The following LYRM4 variants were observed in gnomAD, a reference collection of about 807,000 sequenced individuals.
The protein encoded by LYRM4 is LYR motif containing 4, also known as LYR motif-containing protein 4.
Under a neutral mutation model 11.7 loss-of-function variants are expected in LYRM4, and 9 were observed. That is an observed-to-expected ratio of 0.77 (90% CI 0.46 to 1.34). LYRM4 has a LOEUF of 1.34. LYRM4 is among the 40% of genes most tolerant of loss of function. LYRM4 has a pLI of 0.00. For missense variants in LYRM4, 133 were observed against 112.5 expected (o/e 1.18, Z -0.82); for synonymous variants, 42 against 40.4 (o/e 1.04, Z -0.15).
chr6:5,052,201 G>C, the LYRM4 span, among the ~76,000 whole-genome samples: 3 of 152,022 alleles, frequency 2.0e-5, no homozygotes, highest in Non-Finnish European at 1.5e-5. Flanking sequence ...TCTGGCAAAA[G>C]TAAATATATA....
At chr6:5,110,600 G>A (rs1055312474) in intron 2 of LYRM4, among the ~76,000 whole-genome samples, 8 of 151,982 alleles carry the variant, frequency 5.3e-5, no homozygotes, top group African/African-American at 1.9e-4. Context: ...AGAGCAGCAC[G>A]TCATCTAAGA....
intron 2 of LYRM4, among the ~76,000 whole-genome samples, chr6:5,160,508 TATA>T (rs1162939938): frequency 1.3e-5 from 2 of 152,118 alleles, no homozygotes; most frequent in Non-Finnish European, 2.9e-5. Context: ...CTGATATTTT[TATA>T]ATATCAGATT....
intron 1 of LYRM4, among the ~76,000 whole-genome samples, chr6:5,218,959 G>T (rs901436256): frequency 6.6e-6 from 1 of 152,132 alleles, no homozygotes; most frequent in Non-Finnish European, 1.5e-5. Context: ...TGGCAATGAT[G>T]GCAGCAAAGA....
the LYRM4 span, chr6:5,085,041 C>T: frequency 5.7e-6 from 1 of 176,392 alleles, no homozygotes; most frequent in Non-Finnish European, 1.2e-5. Context: ...GCGAGCTCTG[C>T]ACCCCCACTT....
In LYRM4 at chr6:5,145,570, G is replaced by C. The variant is rs146333185; in HGVS notation, c.208-36079C>G. On this transcript the variant is annotated intron_variant, in intron 2 of 2. Coordinates refer to ENST00000330636, the MANE Select transcript of LYRM4 (RefSeq NM_020408.6). ...CCTCTACCCACCAAGTAATAAAAAA[G>C]CTTCATCAGAAGGGAAAGCAATAGG... Among the ~76,000 whole-genome samples the C allele has an allele frequency of 5.1e-3, 779 of 152,276 alleles. 7 individuals carry two copies. Among genetic ancestry groups the C allele is most frequent in the African/African-American group, 0.018 (742 of 41,554 alleles).
intron 2 of LYRM4, among the ~76,000 whole-genome samples, chr6:5,133,456 A>T (rs1581344928): frequency 6.6e-6 from 1 of 152,094 alleles, no homozygotes; most frequent in South Asian, 2.1e-4. Context: ...CACGATCCTG[A>T]CCCGTCCAGC....
At chr6:5,083,248 C>T in the LYRM4 span, among the ~76,000 whole-genome samples, 1 of 152,240 alleles carries the variant, frequency 6.6e-6, no homozygotes, top group Non-Finnish European at 1.5e-5. Context: ...TCTTTGAAGT[C>T]TTATTTTATC....
chr6:5,153,462 G>C (rs1373036180), intron 2 of LYRM4, among the ~76,000 whole-genome samples: 1 of 152,204 alleles, frequency 6.6e-6, no homozygotes, highest in Non-Finnish European at 1.5e-5. Context: ...TGCCCAGCTG[G>C]GCAGAGAGAA....
chr6:5,134,773 G>C (rs1756980399), intron 2 of LYRM4, among the ~76,000 whole-genome samples: 1 of 152,172 alleles, frequency 6.6e-6, no homozygotes, highest in South Asian at 2.1e-4. Flanking sequence ...ATAATAACAG[G>C]TTAAACAGCA....
intron 2 of LYRM4, among the ~76,000 whole-genome samples, chr6:5,126,956 CTTTA>C (rs1319338731): frequency 6.6e-6 from 1 of 152,124 alleles, no homozygotes; most frequent in African/African-American, 2.4e-5. Flanking sequence ...GAATAATATA[CTTTA>C]TTTATTTATT....
intron 1 of LYRM4, chr6:5,218,262 A>C: frequency 1.0e-6 from 1 of 985,338 alleles, no homozygotes; most frequent in Non-Finnish European, 1.2e-6. Flanking sequence ...AGCACCGGTT[A>C]AAGAATCCAT....
chr6:5,101,993 A>G (rs1444387601), downstream of LYRM4, among the ~76,000 whole-genome samples: 1 of 32,796 alleles, frequency 3.0e-5, no homozygotes, highest in African/African-American at 8.3e-5. Flanking sequence ...TTGGAGAGTT[A>G]TGTTGCCTAG....
Position 5,216,634 on chromosome 6 carries a change from C to T in LYRM4, c.191G>A (p.Gly64Glu). The change falls in exon 2 of 3, where the codon GGA becomes GAA. Residue 64 changes from glycine (G) to glutamate (E), a missense_variant. Coordinates refer to ENST00000330636, the MANE Select transcript of LYRM4 (RefSeq NM_020408.6). Reference protein sequence around the residue: ...TLVNKAKRDLGVIRRQVHIGQ... With the variant: ...TLVNKAKRDLEVIRRQVHIGQ... ...CCATCTTACCTGTCGACGAATTACT[C>T]CAAGGTCTCTCTTGGCTTTATTCAC... The T allele has an allele frequency of 6.2e-7, 1 of 1,614,034 alleles. No individual in the cohort carries two copies. Among genetic ancestry groups the T allele is most frequent in the Non-Finnish European group, 8.5e-7 (1 of 1,179,998 alleles).
chr6:5,123,012 G>C (rs1391505218), intron 2 of LYRM4, among the ~76,000 whole-genome samples: 1 of 152,194 alleles, frequency 6.6e-6, no homozygotes, highest in East Asian at 1.9e-4. Flanking sequence ...AGCCTTCCAG[G>C]AATGATGTCA....
At chr6:5,223,364 C>A (rs555488890) in intron 1 of LYRM4, among the ~76,000 whole-genome samples, 99 of 152,282 alleles carry the variant, frequency 6.5e-4, no homozygotes, top group Middle Eastern at 3.4e-3. Flanking sequence ...TTAATCCTCA[C>A]AAACTACAAC....
At chr6:5,045,568 G>A in the LYRM4 span, among the ~76,000 whole-genome samples, 291 of 152,310 alleles carry the variant, frequency 1.9e-3, 4 homozygotes, top group East Asian at 0.027. Context: ...ATGTTACCAC[G>A]ATTTGTAAAA....
the LYRM4 span, among the ~76,000 whole-genome samples, chr6:5,035,596 TC>T: frequency 9.4e-3 from 2 of 212 alleles, 1 homozygote; most frequent in African/African-American, 0.026. Flanking sequence ...TCCCCTCCCT[TC>T]CCCTCCTCCC....
At chr6:5,144,466 T>C (rs1561827104) in intron 2 of LYRM4, among the ~76,000 whole-genome samples, 1 of 150,572 alleles carries the variant, frequency 6.6e-6, no homozygotes, top group Non-Finnish European at 1.5e-5. Context: ...TGAATCCCCG[T>C]CTCTACTAAA....
the LYRM4 span, among the ~76,000 whole-genome samples, chr6:5,093,682 A>C: frequency 3.3e-5 from 5 of 152,240 alleles, no homozygotes; most frequent in Admixed American, 2.6e-4. Flanking sequence ...ATTTGGCCCC[A>C]TTCTCTGTAG....
Sources: gnomAD v4.1 joint callset for allele counts (sites outside exome capture counted in the v4.1 genomes callset) on GRCh38, gnomAD v4.1.1 for gene constraint, MANE v1.5 for transcripts, NCBI Gene and HGNC (gene_info 2026-07-23, HGNC 2026-07-21) for gene names.